OPCML: variants seen among roughly 807,000 people sequenced by gnomAD.
The protein encoded by OPCML is opioid binding protein/cell adhesion molecule like, also known as opioid-binding protein/cell adhesion molecule.
OPCML carries 13 observed loss-of-function variants against 37.8 expected under a neutral mutation model. The observed-to-expected ratio is 0.34, with a 90% confidence interval of 0.22 to 0.55. The LOEUF is 0.55. Ranked by LOEUF, OPCML falls within the 20% of genes least tolerant of loss-of-function variation. The pLI, the probability that OPCML is intolerant of heterozygous loss-of-function variation, is 0.91. For missense variants in OPCML, 341 were observed against 435.6 expected (o/e 0.78, Z 1.93); for synonymous variants, 176 against 168.8 (o/e 1.04, Z -0.33).
intron 3 of OPCML, among the ~76,000 whole-genome samples, chr11:132,558,151 T>C (rs1030704473): frequency 1.3e-5 from 2 of 152,072 alleles, no homozygotes; most frequent in Admixed American, 6.5e-5. Flanking sequence ...CATCTCTTCA[T>C]ACCCAGCTTC....
At chr11:132,683,755 G>A (rs1662431425) in intron 2 of OPCML, among the ~76,000 whole-genome samples, 2 of 152,074 alleles carry the variant, frequency 1.3e-5, no homozygotes, top group South Asian at 4.1e-4. Context: ...CTGACTCATG[G>A]GTCAGGTTCA....
intron 1 of OPCML, among the ~76,000 whole-genome samples, chr11:133,382,556 A>G (rs150612409): frequency 6.6e-6 from 1 of 152,290 alleles, no homozygotes; most frequent in Non-Finnish European, 1.5e-5. Flanking sequence ...CCAAAGAAGA[A>G]AGCCCCGATT....
intron 2 of OPCML, among the ~76,000 whole-genome samples, chr11:132,742,438 CAA>C (rs1489141665): frequency 2.6e-5 from 4 of 152,160 alleles, no homozygotes; most frequent in Non-Finnish European, 5.9e-5. Context: ...AGCCAAAAGA[CAA>C]CTGTCTACAA....
intron 1 of OPCML, among the ~76,000 whole-genome samples, chr11:133,320,796 C>A (rs1031556307): frequency 1.3e-5 from 2 of 152,172 alleles, no homozygotes; most frequent in Non-Finnish European, 2.9e-5. Flanking sequence ...GCTGTCTCTC[C>A]TTTTTCCCAT....
At chr11:132,686,864 T>C (rs11604513) in intron 2 of OPCML, among the ~76,000 whole-genome samples, 1,971 of 152,248 alleles carry the variant, frequency 0.013, 14 homozygotes, top group Non-Finnish European at 0.018. Context: ...GTGTAAACAC[T>C]CCTTCTTGAT....
At chr11:133,020,258 G>T (rs1275498945) in intron 1 of OPCML, among the ~76,000 whole-genome samples, 1 of 152,216 alleles carries the variant, frequency 6.6e-6, no homozygotes, top group African/African-American at 2.4e-5. Flanking sequence ...AATGAGGCAG[G>T]CCTGAGGTGT....
At chr11:132,486,888 C>T (rs2096201594) in intron 4 of OPCML, among the ~76,000 whole-genome samples, 1 of 152,172 alleles carries the variant, frequency 6.6e-6, no homozygotes, top group Non-Finnish European at 1.5e-5. Context: ...GTAACTCATT[C>T]TTTTCTTATT....
intron 1 of OPCML, among the ~76,000 whole-genome samples, chr11:133,238,922 T>C (rs1940624460): frequency 6.6e-6 from 1 of 152,260 alleles, no homozygotes; most frequent in Non-Finnish European, 1.5e-5. Context: ...GCCATTATTG[T>C]TCTATTACTC....
chr11:132,644,547 C>A (rs1268549246), intron 3 of OPCML, among the ~76,000 whole-genome samples: 1 of 152,084 alleles, frequency 6.6e-6, no homozygotes, highest in African/African-American at 2.4e-5. Flanking sequence ...ATATCTATTA[C>A]AACGATATCA....
intron 1 of OPCML, among the ~76,000 whole-genome samples, chr11:133,343,860 C>T (rs1342698915): frequency 6.6e-6 from 1 of 152,152 alleles, no homozygotes; most frequent in Non-Finnish European, 1.5e-5. Flanking sequence ...TTATAAATAT[C>T]TCTGTACAAT....
chr11:132,615,514 C>G (rs998304563), intron 3 of OPCML, among the ~76,000 whole-genome samples: 1 of 152,072 alleles, frequency 6.6e-6, no homozygotes, highest in African/African-American at 2.4e-5. Context: ...ATAAAAATAA[C>G]CATATAACAA....
intron 4 of OPCML, among the ~76,000 whole-genome samples, chr11:132,528,087 A>C (rs917678776): frequency 5.3e-5 from 8 of 152,230 alleles, no homozygotes; most frequent in African/African-American, 1.4e-4. Context: ...TGAGGAGATA[A>C]ATTTCTGTTA....
At chr11:133,386,873 G>A (rs568575553) in intron 1 of OPCML, among the ~76,000 whole-genome samples, 3 of 152,322 alleles carry the variant, frequency 2.0e-5, no homozygotes, top group South Asian at 4.1e-4. Context: ...GACACTTAGG[G>A]GTGTCCGTGA....
chr11:133,039,528 G>A (rs777195867), intron 1 of OPCML, among the ~76,000 whole-genome samples: 17 of 152,078 alleles, frequency 1.1e-4, no homozygotes, highest in Non-Finnish European at 2.5e-4. Context: ...TATACCCATT[G>A]GATGGTGGTC....
chr11:133,075,463 G>C (rs537062779), intron 1 of OPCML, among the ~76,000 whole-genome samples: 1 of 152,314 alleles, frequency 6.6e-6, no homozygotes, highest in Non-Finnish European at 1.5e-5. Flanking sequence ...CAAGGGCTCT[G>C]GGGGATGAGC....
chr11:132,487,837 A>T (rs73585055), intron 4 of OPCML, among the ~76,000 whole-genome samples: 1 of 152,212 alleles, frequency 6.6e-6, no homozygotes, highest in Non-Finnish European at 1.5e-5. Context: ...ACTCAATCAT[A>T]GTATTGCATT....
intron 2 of OPCML, among the ~76,000 whole-genome samples, chr11:132,918,914 G>C (rs1454121689): frequency 6.6e-6 from 1 of 152,194 alleles, no homozygotes; most frequent in Non-Finnish European, 1.5e-5. Context: ...GGACACTTGT[G>C]TATGACTCAA....
chr11:132,666,934 C>G (rs1426960422), intron 2 of OPCML, among the ~76,000 whole-genome samples: 1 of 152,098 alleles, frequency 6.6e-6, no homozygotes, highest in East Asian at 1.9e-4. Context: ...GGGCCAGAGG[C>G]AGAAAGAATA....
At chr11:132,916,476 T>C (rs1944609816) in intron 2 of OPCML, among the ~76,000 whole-genome samples, 1 of 152,154 alleles carries the variant, frequency 6.6e-6, no homozygotes, top group African/African-American at 2.4e-5. Flanking sequence ...GTTGTCAAGG[T>C]GGAGACAGGT....
Sources: gnomAD v4.1 joint callset for allele counts (sites outside exome capture counted in the v4.1 genomes callset) on GRCh38, gnomAD v4.1.1 for gene constraint, MANE v1.5 for transcripts, NCBI Gene and HGNC (gene_info 2026-07-23, HGNC 2026-07-21) for gene names.